Variants in DDX10 observed in about 807,000 individuals in gnomAD.
DDX10 encodes probable ATP-dependent RNA helicase DDX10.
Under a neutral mutation model 104.3 loss-of-function variants are expected in DDX10, and 74 were observed. That is an observed-to-expected ratio of 0.71 (90% CI 0.59 to 0.86). The LOEUF is 0.86. DDX10 is among the 40% of genes least tolerant of loss of function. The pLI is 0.00. For missense variants in DDX10, 952 were observed against 1,040.0 expected (o/e 0.92, Z 1.16); for synonymous variants, 351 against 353.4 (o/e 0.99, Z 0.08).
At chr11:108,815,275 T>C (rs1045844152) in intron 13 of DDX10, among the ~76,000 whole-genome samples, 1 of 152,156 alleles carries the variant, frequency 6.6e-6, no homozygotes. Context: ...GACATGATAT[T>C]ATGATTTGTG....
chr11:108,791,074 T>A (rs1167101439), intron 13 of DDX10, among the ~76,000 whole-genome samples: 1 of 152,224 alleles, frequency 6.6e-6, no homozygotes, highest in Non-Finnish European at 1.5e-5. Context: ...ATGGACAGGC[T>A]TGTGATAATG....
intron 13 of DDX10, among the ~76,000 whole-genome samples, chr11:108,755,177 C>T (rs1380661597): frequency 1.3e-5 from 2 of 152,048 alleles, no homozygotes; most frequent in South Asian, 4.1e-4. Flanking sequence ...TCCATGAGAG[C>T]CACAAAGAGA....
chr11:108,734,264 A>G (rs1591804539), intron 13 of DDX10, among the ~76,000 whole-genome samples: 1 of 152,170 alleles, frequency 6.6e-6, no homozygotes, highest in African/African-American at 2.4e-5. Flanking sequence ...AATTTTTGCT[A>G]CCATGAAGTG....
At chr11:108,866,436 C>T (rs1288060920) in intron 16 of DDX10, among the ~76,000 whole-genome samples, 2 of 152,036 alleles carry the variant, frequency 1.3e-5, no homozygotes, top group Non-Finnish European at 2.9e-5. Flanking sequence ...TGGAAGGTCA[C>T]TTTGGAGACC....
At chr11:108,731,755 A>G (rs963864957) in intron 13 of DDX10, among the ~76,000 whole-genome samples, 1 of 152,174 alleles carries the variant, frequency 6.6e-6, no homozygotes, top group African/African-American at 2.4e-5. Flanking sequence ...TGTTGTATGC[A>G]TCCATCAGTC....
chr11:108,716,921 CTTTTT>C (rs559505105), intron 11 of DDX10, among the ~76,000 whole-genome samples: 1 of 146,436 alleles, frequency 6.8e-6, no homozygotes, highest in Non-Finnish European at 1.5e-5. Flanking sequence ...TTTAGTTAAA[CTTTTT>C]TTTTTTTAAA....
At chr11:108,668,165 A>G (rs1194214058) in intron 1 of DDX10, among the ~76,000 whole-genome samples, 1 of 152,214 alleles carries the variant, frequency 6.6e-6, no homozygotes, top group Non-Finnish European at 1.5e-5. Flanking sequence ...GGCTTTCCGT[A>G]TACTCACCAC....
At chr11:108,926,302 A>G (rs1010525795) in intron 17 of DDX10, among the ~76,000 whole-genome samples, 1 of 14,324 alleles carries the variant, frequency 7.0e-5, no homozygotes, top group Non-Finnish European at 4.5e-4. Flanking sequence ...ACTCCCATGC[A>G]GTTAACTGGA....
intron 16 of DDX10, among the ~76,000 whole-genome samples, 154 bp from the exon 17 acceptor site, chr11:108,917,719 T>G (rs1216371473): frequency 6.6e-6 from 1 of 152,228 alleles, no homozygotes; most frequent in Non-Finnish European, 1.5e-5. Flanking sequence ...TGCCAATGGT[T>G]GTGGTTCTGA....
chr11:108,850,196 A>T (rs1862772172), intron 15 of DDX10, among the ~76,000 whole-genome samples: 1 of 152,130 alleles, frequency 6.6e-6, no homozygotes, highest in Admixed American at 6.5e-5. Context: ...CCGTCTGAAA[A>T]TTTTGGTAGA....
intron 16 of DDX10, among the ~76,000 whole-genome samples, chr11:108,883,728 T>C (rs1863258184): frequency 6.6e-6 from 1 of 152,202 alleles, no homozygotes; most frequent in African/African-American, 2.4e-5. Flanking sequence ...AACCTGTCTT[T>C]TCACAATCAG....
intron 1 of DDX10, among the ~76,000 whole-genome samples, chr11:108,666,915 C>A (rs2094210878): frequency 6.6e-6 from 1 of 152,310 alleles, no homozygotes. Context: ...CACATCCTAG[C>A]TCCACCATCT....
chr11:108,710,476 G>A (rs2094282870), intron 10 of DDX10, among the ~76,000 whole-genome samples: 1 of 151,342 alleles, frequency 6.6e-6, no homozygotes, highest in Non-Finnish European at 1.5e-5. Flanking sequence ...TGGAGCCTAG[G>A]CCTACACAGG....
At position 108,723,475 on chromosome 11, in the gene DDX10, C is replaced by T. The variant is rs75557979; in HGVS notation, c.1965+13C>T. The T allele has an allele frequency of 8.0e-4, 1,280 of 1,599,912 alleles. 12 individuals carry two copies. The East Asian group carries it at 0.025, about 31-fold the overall frequency. On this transcript the variant is annotated intron_variant, in intron 13 of 17. Transcript: ENST00000322536. ...GAAAACATTACAGGTAAGTTTACTC[C>T]CAGTGGAGGGTCTTCTATTACATTG...
At chr11:108,804,629 G>A (rs1187341531) in intron 13 of DDX10, among the ~76,000 whole-genome samples, 1 of 152,098 alleles carries the variant, frequency 6.6e-6, no homozygotes, top group Non-Finnish European at 1.5e-5. Context: ...CTCTGCTCAG[G>A]GTCTCATAAG....
chr11:108,730,847 ATG>A (rs1328554621), intron 13 of DDX10, among the ~76,000 whole-genome samples: 1 of 59,854 alleles, frequency 1.7e-5, no homozygotes, highest in Non-Finnish European at 5.0e-5. Flanking sequence ...ACGTACCTGC[ATG>A]TTTTTTTTTT....
intron 13 of DDX10, among the ~76,000 whole-genome samples, chr11:108,820,989 C>G (rs549812717): frequency 6.6e-6 from 1 of 152,262 alleles, no homozygotes; most frequent in South Asian, 2.1e-4. Context: ...TTGATTAGCC[C>G]AAGCTCAACT....
chr11:108,710,450 CT>C (rs777107714), intron 10 of DDX10, among the ~76,000 whole-genome samples: 931 of 145,414 alleles, frequency 6.4e-3, no homozygotes, highest in Non-Finnish European at 9.4e-3. Flanking sequence ...TCCCTTAAAA[CT>C]TTTTTTTTTT....
At chr11:108,791,759 A>C (rs532834970) in intron 13 of DDX10, among the ~76,000 whole-genome samples, 1 of 152,286 alleles carries the variant, frequency 6.6e-6, no homozygotes, top group African/African-American at 2.4e-5. Context: ...AGATTCATGT[A>C]TATGTCTTGT....
Sources: gnomAD v4.1 joint callset for allele counts (sites outside exome capture counted in the v4.1 genomes callset) on GRCh38, gnomAD v4.1.1 for gene constraint, MANE v1.5 for transcripts, NCBI Gene and HGNC (gene_info 2026-07-23, HGNC 2026-07-21) for gene names.